Variants in KIF5C observed in about 807,000 individuals in gnomAD.
KIF5C encodes the protein kinesin heavy chain isoform 5C.
Under a neutral mutation model 125.2 loss-of-function variants are expected in KIF5C, and 18 were observed. That is an observed-to-expected ratio of 0.14 (90% CI 0.10 to 0.21). KIF5C has a LOEUF of 0.21. Ranked by LOEUF, KIF5C falls within the 10% of genes least tolerant of loss-of-function variation. KIF5C has a pLI of 1.00. For missense variants in KIF5C, 780 were observed against 1,183.8 expected (o/e 0.66, Z 5.01); for synonymous variants, 405 against 434.0 (o/e 0.93, Z 0.83).
intron 12 of KIF5C, among the ~76,000 whole-genome samples, chr2:148,978,122 G>T (rs182183402): frequency 6.6e-6 from 1 of 152,134 alleles, no homozygotes; most frequent in African/African-American, 2.4e-5. Context: ...TGTTTTTTAT[G>T]TAGTTAGGCA....
intron 1 of KIF5C, among the ~76,000 whole-genome samples, chr2:148,899,151 A>G (rs758048230): frequency 2.0e-4 from 31 of 152,196 alleles, no homozygotes; most frequent in Non-Finnish European, 4.0e-4. Flanking sequence ...AGATTAGCCT[A>G]TATAGTTCTT....
At chr2:148,895,758 G>A (rs922056932) in intron 1 of KIF5C, among the ~76,000 whole-genome samples, 3 of 151,930 alleles carry the variant, frequency 2.0e-5, no homozygotes, top group Non-Finnish European at 4.4e-5. Flanking sequence ...GAGGTGCCAA[G>A]GTTGGTTTCT....
At chr2:148,926,591 TC>T (rs1161890872) in intron 2 of KIF5C, among the ~76,000 whole-genome samples, 1 of 151,954 alleles carries the variant, frequency 6.6e-6, no homozygotes, top group Admixed American at 6.6e-5. Flanking sequence ...CTGCTACGGC[TC>T]CCCCTCTGCC....
intron 8 of KIF5C, among the ~76,000 whole-genome samples, chr2:148,949,521 G>A (rs991255065): frequency 2.0e-5 from 3 of 152,134 alleles, no homozygotes; most frequent in East Asian, 1.9e-4. Context: ...CCCAGGGCCC[G>A]AGCTACCCAT....
chr2:148,876,017 G>A lies in KIF5C; in HGVS notation c.126+274G>A, dbSNP rs1282406344. 2.0e-5 allele frequency among the ~76,000 whole-genome samples: 3 copies of A among 152,100 alleles called. No individual in the cohort carries two copies. The highest frequency in any genetic ancestry group is 7.2e-5 in the African/African-American group (3 of 41,444). ...TCGGCGCCGCCATTGTTCGCCGGGT[G>A]GGGGCCCGGGTGGGCCCATTGTTCC... On this transcript the variant is annotated intron_variant, in intron 1 of 25. Transcript: ENST00000435030. The surrounding 1 kb of genome is among the most constrained non-coding windows in gnomAD (Gnocchi z 4.7).
chr2:148,961,757 G>T (rs1558919501), intron 10 of KIF5C, among the ~76,000 whole-genome samples: 1 of 152,216 alleles, frequency 6.6e-6, no homozygotes, highest in Non-Finnish European at 1.5e-5. Context: ...TTAGAGACCA[G>T]TGGGATGTGA....
At chr2:148,954,210 C>T (rs1682738774) in intron 10 of KIF5C, among the ~76,000 whole-genome samples, 1 of 152,148 alleles carries the variant, frequency 6.6e-6, no homozygotes, top group Non-Finnish European at 1.5e-5. Flanking sequence ...CCTTTAGTTT[C>T]CTGAATGCCC....
chr2:148,980,159 C>G (rs933090099), intron 13 of KIF5C, among the ~76,000 whole-genome samples: 1 of 152,142 alleles, frequency 6.6e-6, no homozygotes, highest in Non-Finnish European at 1.5e-5. Flanking sequence ...TGATTACCTC[C>G]CCTGCCCAAA....
In KIF5C at chr2:148,949,994, T is replaced by C. The variant is rs994609280; in HGVS notation, c.819+51T>C. The C allele has an allele frequency of 3.2e-6, 5 of 1,571,462 alleles. No homozygotes were observed. The East Asian group carries it at 6.9e-5, about 22-fold the overall frequency. The stretch of plus-strand genomic sequence containing the variant: ...AAGTAATATTATGAGAAACCACCTT[T>C]TGGGGCCTCATAGTCCCTTTGCCAC... On this transcript the variant is annotated intron_variant, in intron 9 of 25. Coordinates refer to ENST00000435030, the MANE Select transcript of KIF5C (RefSeq NM_004522.3).
intron 2 of KIF5C, among the ~76,000 whole-genome samples, chr2:148,927,052 A>G (rs1682030550): frequency 6.6e-6 from 1 of 152,246 alleles, no homozygotes; most frequent in Admixed American, 6.5e-5. Flanking sequence ...AGATTCTCCA[A>G]GTACAGTCTT....
At position 149,026,104 on chromosome 2, in the gene KIF5C, T is replaced by C. The variant is rs1171648563; in HGVS notation, c.*3034T>C. On this transcript the variant is annotated 3_prime_UTR_variant, in exon 26 of 26. Transcript: ENST00000435030. The stretch of plus-strand genomic sequence containing the variant: ...AATAAAAGTTCTTAACAATCCCCTC[T>C]TTCGAAGTGCATTTTTTTAAAGCAG... 6.6e-6 allele frequency: 1 copy of C among 152,612 alleles called. No individual in the cohort carries two copies. The highest frequency in any genetic ancestry group is 1.5e-5 in the Non-Finnish European group (1 of 68,042). The allele number at this position is 152,612 out of a possible 1,614,324, so 9.5% of individuals were successfully genotyped here.
intron 13 of KIF5C, 117 bp downstream of exon 13, chr2:148,979,107 G>C: frequency 1.5e-6 from 2 of 1,293,622 alleles, no homozygotes; most frequent in Non-Finnish European, 2.0e-6. Context: ...GAATCATGTG[G>C]AAATTTCTTG....
At chr2:148,925,977 G>A (rs1341793473) in intron 2 of KIF5C, among the ~76,000 whole-genome samples, 1 of 152,188 alleles carries the variant, frequency 6.6e-6, no homozygotes, top group Non-Finnish European at 1.5e-5. Context: ...CTCTGATTAT[G>A]GCCTACCTGA....
intron 1 of KIF5C, among the ~76,000 whole-genome samples, chr2:148,912,062 A>G (rs1681361899): frequency 6.6e-6 from 1 of 152,222 alleles, no homozygotes; most frequent in Non-Finnish European, 1.5e-5. Context: ...CGAATCTGAT[A>G]AGCTAATTGC....
intron 1 of KIF5C, among the ~76,000 whole-genome samples, chr2:148,896,540 G>A (rs2105051577): frequency 6.6e-6 from 1 of 152,326 alleles, no homozygotes; most frequent in East Asian, 1.9e-4. Flanking sequence ...TTTATTCAGT[G>A]AGAAAAGAGA....
intron 16 of KIF5C, among the ~76,000 whole-genome samples, chr2:148,993,359 C>T (rs1203313932): frequency 1.3e-5 from 2 of 152,200 alleles, no homozygotes; most frequent in Admixed American, 6.5e-5. Flanking sequence ...TCTCTTTCTG[C>T]ATCAGCAACA....
intron 1 of KIF5C, among the ~76,000 whole-genome samples, chr2:148,892,506 A>G (rs965930829): frequency 3.3e-5 from 5 of 152,220 alleles, no homozygotes; most frequent in Non-Finnish European, 5.9e-5. Context: ...AATTTTTTCC[A>G]TCTCTGTTGC....
At chr2:148,970,718 CT>C (rs1398768216) in intron 11 of KIF5C, among the ~76,000 whole-genome samples, 3 of 152,162 alleles carry the variant, frequency 2.0e-5, no homozygotes, top group Non-Finnish European at 1.5e-5. Context: ...AGGCCTGTGA[CT>C]TTGGTTAGAA....
In KIF5C at chr2:148,875,587, T is replaced by TGCCCCCC; in HGVS notation, c.-31_-30insGCCCCCC. 2.7e-6 allele frequency: 1 copy of TGCCCCCC among 366,938 alleles called. No individual in the cohort carries two copies. The highest frequency in any genetic ancestry group is 5.0e-6 in the Non-Finnish European group (1 of 201,710). The allele number at this position is 366,938 out of a possible 1,614,324, so 22.7% of individuals were successfully genotyped here. On this transcript the variant is annotated 5_prime_UTR_variant, in exon 1 of 26. In the 5' UTR this introduces an upstream ATG that the reference lacks. Transcript: ENST00000435030. ...GTTCCCGGCCCCGGCCCCCCACCCATCCCCGTGCCCCCTCCCTACCGCCGG... is the reference window on the plus strand; with the variant it reads ...GTTCCCGGCCCCGGCCCCCCACCCATGCCCCCCCCCCGTGCCCCCTCCCTACCGCCGG...
Sources: allele counts gnomAD v4.1 joint callset (sites outside exome capture counted in the v4.1 genomes callset), GRCh38; gene constraint gnomAD v4.1.1; non-coding constraint Gnocchi (gnomAD v3.1); transcripts MANE v1.5; gene names NCBI Gene and HGNC (gene_info 2026-07-23, HGNC 2026-07-21).